The following GABRG3 variants were observed in gnomAD, a reference collection of about 807,000 sequenced individuals.
The protein encoded by GABRG3 is gamma-aminobutyric acid type A receptor subunit gamma3.
GABRG3 carries 25 observed loss-of-function variants against 48.8 expected under a neutral mutation model. That is an observed-to-expected ratio of 0.51 (90% CI 0.37 to 0.72). The LOEUF (loss-of-function observed/expected upper bound fraction) is 0.72, where lower values mean the gene tolerates loss of function less well. Ranked by LOEUF, GABRG3 falls within the 30% of genes least tolerant of loss-of-function variation. The pLI is 0.00. For missense variants in GABRG3, 394 were observed against 577.9 expected (o/e 0.68, Z 3.26); for synonymous variants, 227 against 217.6 (o/e 1.04, Z -0.38).
chr15:27,350,007 A>G (rs928762977), intron 5 of GABRG3: 4 of 434,944 alleles, frequency 9.2e-6, no homozygotes, highest in East Asian at 7.1e-5. Context: ...CTGGCTACTT[A>G]AATAGTAGCC....
chr15:27,450,931 G>T (rs1889092521), intron 5 of GABRG3, among the ~76,000 whole-genome samples: 1 of 151,880 alleles, frequency 6.6e-6, no homozygotes, highest in Non-Finnish European at 1.5e-5. Context: ...TATCTGAAAA[G>T]GATATTAAGA....
chr15:27,481,553 TG>T (rs1168612046), intron 6 of GABRG3, among the ~76,000 whole-genome samples: 1 of 152,146 alleles, frequency 6.6e-6, no homozygotes, highest in East Asian at 1.9e-4. Context: ...ATTTATTTTA[TG>T]GGTGACTAGA....
intron 3 of GABRG3, among the ~76,000 whole-genome samples, chr15:27,187,898 C>T (rs1746280532): frequency 7.6e-6 from 1 of 131,640 alleles, no homozygotes; most frequent in African/African-American, 2.9e-5. Flanking sequence ...CCACAACAGT[C>T]CCCAGAGTGT....
intron 3 of GABRG3, among the ~76,000 whole-genome samples, chr15:27,173,966 AT>A (rs1887657914): frequency 6.6e-6 from 1 of 152,198 alleles, no homozygotes; most frequent in African/African-American, 2.4e-5. Context: ...CTATCATCTG[AT>A]TTGATAGCTA....
intron 6 of GABRG3, among the ~76,000 whole-genome samples, chr15:27,508,966 G>T (rs762288802): frequency 6.6e-6 from 1 of 151,948 alleles, no homozygotes; most frequent in Non-Finnish European, 1.5e-5. Flanking sequence ...TGATCCGCCC[G>T]CCTTGGCCTC....
intron 6 of GABRG3, among the ~76,000 whole-genome samples, chr15:27,513,767 T>C (rs1253628624): frequency 6.6e-6 from 1 of 152,128 alleles, no homozygotes; most frequent in Non-Finnish European, 1.5e-5. Context: ...ACGAGACACA[T>C]GTTAATAAAG....
chr15:27,335,278 T>G (rs1447454326), intron 5 of GABRG3, among the ~76,000 whole-genome samples: 1 of 152,140 alleles, frequency 6.6e-6, no homozygotes, highest in Non-Finnish European at 1.5e-5. Context: ...CTGGACCATA[T>G]AATAATTCTA....
chr15:27,408,350 A>G (rs941513697), intron 5 of GABRG3, among the ~76,000 whole-genome samples: 1 of 152,190 alleles, frequency 6.6e-6, no homozygotes, highest in Non-Finnish European at 1.5e-5. Context: ...AAATGAAAAT[A>G]TAGTTGAGAA....
intron 2 of GABRG3, among the ~76,000 whole-genome samples, chr15:27,010,085 C>T (rs765020523): frequency 1.3e-5 from 2 of 152,194 alleles, no homozygotes; most frequent in Non-Finnish European, 2.9e-5. Context: ...GCTGGAGCTA[C>T]AGGCACATAC....
At chr15:27,308,029 G>A (rs1385841643) in intron 3 of GABRG3, among the ~76,000 whole-genome samples, 9 of 135,672 alleles carry the variant, frequency 6.6e-5, no homozygotes, top group East Asian at 2.2e-4. Context: ...AAATAAACAT[G>A]TTTATATGTA....
At chr15:27,335,687 G>A (rs529697010) in intron 5 of GABRG3, among the ~76,000 whole-genome samples, 6 of 152,244 alleles carry the variant, frequency 3.9e-5, no homozygotes, top group South Asian at 2.1e-4. Context: ...AGGAGAGAAC[G>A]AGGGGAGCAC....
chr15:26,972,777 T>C (rs777139294), intron 1 of GABRG3, among the ~76,000 whole-genome samples: 6 of 152,142 alleles, frequency 3.9e-5, no homozygotes, highest in Non-Finnish European at 5.9e-5. Context: ...CACTCCTGAA[T>C]TGGGCAGGGG....
chr15:27,165,450 A>C (rs1330100349), intron 3 of GABRG3, among the ~76,000 whole-genome samples: 1 of 152,320 alleles, frequency 6.6e-6, no homozygotes, highest in Admixed American at 6.5e-5. Flanking sequence ...TGGTCAATCC[A>C]GGTTCTAGTT....
intron 5 of GABRG3, among the ~76,000 whole-genome samples, chr15:27,360,325 G>A (rs529882008): frequency 1.3e-5 from 2 of 152,232 alleles, no homozygotes; most frequent in African/African-American, 4.8e-5. Context: ...TGACAAGGTC[G>A]GGTGGAATGG....
At chr15:27,237,521 C>T (rs903661980) in intron 3 of GABRG3, among the ~76,000 whole-genome samples, 2 of 152,004 alleles carry the variant, frequency 1.3e-5, no homozygotes, top group Non-Finnish European at 2.9e-5. Context: ...TGACCTGCCC[C>T]GAGAGGAACA....
intron 3 of GABRG3, among the ~76,000 whole-genome samples, chr15:27,286,447 G>T (rs1822463345): frequency 6.6e-6 from 1 of 152,152 alleles, no homozygotes; most frequent in African/African-American, 2.4e-5. Context: ...GGGACTTCTT[G>T]AGACTGTGAC....
intron 3 of GABRG3, among the ~76,000 whole-genome samples, chr15:27,192,774 T>C (rs1888363270): frequency 6.6e-6 from 1 of 152,226 alleles, no homozygotes; most frequent in South Asian, 2.1e-4. Context: ...TGTGATCCTT[T>C]GGAGGAGGAG....
chr15:27,078,399 G>C (rs1896942953), intron 3 of GABRG3, among the ~76,000 whole-genome samples: 1 of 152,092 alleles, frequency 6.6e-6, no homozygotes, highest in African/African-American at 2.4e-5. Context: ...TTATTATTTG[G>C]GGTTTTGATC....
chr15:27,299,687 C>T (rs186840942), intron 3 of GABRG3, among the ~76,000 whole-genome samples: 42 of 152,212 alleles, frequency 2.8e-4, no homozygotes, highest in African/African-American at 7.7e-4. Flanking sequence ...CCCAGAAACA[C>T]GAAACTCTGA....
Sources: allele counts gnomAD v4.1 joint callset (sites outside exome capture counted in the v4.1 genomes callset), GRCh38; gene constraint gnomAD v4.1.1; transcripts MANE v1.5; gene names NCBI Gene and HGNC (gene_info 2026-07-23, HGNC 2026-07-21).